DNAH8: variants seen among roughly 807,000 people sequenced by gnomAD.
DNAH8 encodes the protein axonemal beta dynein heavy chain 8.
DNAH8 carries 382 observed loss-of-function variants against 562.1 expected under a neutral mutation model. The observed-to-expected ratio is 0.68, with a 90% CI of 0.63 to 0.74. DNAH8 has a LOEUF of 0.74. Among genes scored for constraint, DNAH8 ranks in the 30% least tolerant of loss-of-function variants. The pLI is 0.00. For synonymous variants in DNAH8, 1,881 were observed against 1,919.4 expected, an observed-to-expected ratio of 0.98 and a Z score of 0.52; for missense variants, 5,203 against 5,620.4, an observed-to-expected ratio of 0.93 and a Z score of 2.37.
At chr6:38,843,992 T>C (rs1775063928) in intron 35 of DNAH8, among the ~76,000 whole-genome samples, 1 of 152,126 alleles carries the variant, frequency 6.6e-6, no homozygotes, top group Non-Finnish European at 1.5e-5. Context: ...TCCAGGAATG[T>C]GCTGACCTAT....
At position 39,029,230 on chromosome 6, in the gene DNAH8, CCTTT is replaced by C. The variant is rs573325345; in HGVS notation, c.13837-870_13837-867del. 9.1e-4 allele frequency among the ~76,000 whole-genome samples: 139 copies of C among 152,258 alleles called. 1 individual carries two copies. The highest frequency in any genetic ancestry group is 3.2e-3 in the African/African-American group (132 of 41,544). On this transcript the variant is annotated intron_variant, in intron 92 of 92. Coordinates refer to ENST00000327475, the MANE Select transcript of DNAH8 (RefSeq NM_001206927.2). ...ACTGGGGCTTTTCCGGCTCGCCCTG[CCTTT>C]CTTTGTAGTGTTACTTCTGCCTGTG...
intron 45 of DNAH8, among the ~76,000 whole-genome samples, chr6:38,866,062 C>T (rs1777007706): frequency 1.3e-5 from 2 of 152,104 alleles, no homozygotes; most frequent in Admixed American, 1.3e-4. Context: ...CCCATCATTC[C>T]CTTCTTTATT....
Position 38,722,936 on chromosome 6 carries a change from G to C in DNAH8, c.127G>C (p.Ala43Pro). The C allele has an allele frequency of 6.2e-7, 1 of 1,612,582 alleles. No homozygotes were observed. Among genetic ancestry groups the C allele is most frequent in the Non-Finnish European group, 8.5e-7 (1 of 1,179,666 alleles). Residue 43 changes from alanine (A) to proline (P), a missense_variant, in exon 2 of 93, where the codon GCA (alanine) becomes CCA (proline). Coordinates refer to ENST00000327475, the MANE Select transcript of DNAH8 (RefSeq NM_001206927.2). ...APRPPTVEAP[A>P]EDGFSPSAED... ...GCGCCCTCCGACAGTGGAGGCCCCG[G>C]CAGAAGATGGTTTCTCTCCTTCCGC... is the stretch of plus-strand genomic sequence containing the variant.
At chr6:38,781,733 T>TG (rs1184508565) in intron 16 of DNAH8, among the ~76,000 whole-genome samples, 1 of 152,210 alleles carries the variant, frequency 6.6e-6, no homozygotes, top group Non-Finnish European at 1.5e-5. Flanking sequence ...GATAGGTCAC[T>TG]GATACATACT....
In DNAH8 at chr6:38,842,424, G is replaced by C; in HGVS notation, c.4523G>C (p.Ser1508Thr). 6.2e-7 allele frequency: 1 copy of C among 1,612,658 alleles called. No homozygotes were observed. Among genetic ancestry groups the C allele is most frequent in the Non-Finnish European group, 8.5e-7 (1 of 1,178,944 alleles). Residue 1508 changes from serine to threonine, a missense_variant, in exon 34 of 93, where the codon AGT (serine) becomes ACT (threonine). Ser to Thr is a moderately conservative substitution (Grantham distance 58). Coordinates refer to ENST00000327475, the MANE Select transcript of DNAH8 (RefSeq NM_001206927.2). ...GGATTGTATGACACCGTAATGAGCA[G>C]TATTAGTGGTTATTATGAAATACTT... ...LYGLYDTVMSSISGYYEILWG... is the reference protein window; with the variant it reads ...LYGLYDTVMSTISGYYEILWG...
chr6:39,007,941 A>ACCCC (rs1765899813), intron 88 of DNAH8, among the ~76,000 whole-genome samples: 2 of 53,798 alleles, frequency 3.7e-5, no homozygotes, highest in African/African-American at 5.8e-5. Context: ...CCCACCCCCC[A>ACCCC]CCCACCCACA....
intron 84 of DNAH8, 52 bp downstream of exon 84, chr6:38,973,865 C>G (rs1169618141): frequency 1.4e-6 from 2 of 1,448,896 alleles, no homozygotes; most frequent in Admixed American, 4.1e-5. Flanking sequence ...AAGATGACAT[C>G]ATTGACATTG....
intron 53 of DNAH8, among the ~76,000 whole-genome samples, chr6:38,877,112 TATG>T (rs1561803181): frequency 6.6e-6 from 1 of 152,192 alleles, no homozygotes; most frequent in Non-Finnish European, 1.5e-5. Flanking sequence ...GCCGGAGTTC[TATG>T]ATGTTTAAAG....
At chr6:38,790,170 T>A (rs1769582371) in intron 19 of DNAH8, 119 bp from the exon 20 acceptor site, 1 of 744,256 alleles carries the variant, frequency 1.3e-6, no homozygotes, top group East Asian at 2.5e-5. Context: ...TTAGGTGTAA[T>A]AGAGGGAAAA....
At chr6:38,792,463 C>T (rs1769852321) in intron 21 of DNAH8, among the ~76,000 whole-genome samples, 1 of 152,196 alleles carries the variant, frequency 6.6e-6, no homozygotes, top group Non-Finnish European at 1.5e-5. Flanking sequence ...CGTTACTGCT[C>T]ATTTTGACTT....
chr6:38,826,456 A>C (rs182315632), intron 29 of DNAH8, 65 bp downstream of exon 29: 3 of 977,670 alleles, frequency 3.1e-6, no homozygotes. Context: ...ATAGAGACAC[A>C]CTAAGAAAGT....
At chr6:38,939,366 T>G (rs933041675) in intron 79 of DNAH8, among the ~76,000 whole-genome samples, 1 of 152,230 alleles carries the variant, frequency 6.6e-6, no homozygotes, top group Non-Finnish European at 1.5e-5. Flanking sequence ...ATGTTTCATA[T>G]TTGAAGTTAA....
chr6:38,911,321 C>G, intron 65 of DNAH8, 147 bp from the exon 66 acceptor site: 1 of 693,314 alleles, frequency 1.4e-6, no homozygotes, highest in Admixed American at 2.4e-5. Flanking sequence ...CCTTTTTCCA[C>G]CTCACCTCTG....
chr6:38,970,054 C>G (rs1021520188), intron 82 of DNAH8, among the ~76,000 whole-genome samples: 4 of 152,122 alleles, frequency 2.6e-5, no homozygotes, highest in Non-Finnish European at 5.9e-5. Flanking sequence ...AGGGATGCCT[C>G]TAAATCGCCT....
chr6:38,847,635 C>A (rs1014154410), intron 36 of DNAH8, among the ~76,000 whole-genome samples: 2 of 152,086 alleles, frequency 1.3e-5, no homozygotes, highest in Non-Finnish European at 2.9e-5. Flanking sequence ...CCAGAAAAAA[C>A]CCCATTCTAC....
At chr6:38,834,516 C>T in intron 31 of DNAH8, 63 bp from the exon 32 acceptor site, 3 of 1,124,734 alleles carry the variant, frequency 2.7e-6, no homozygotes, top group Non-Finnish European at 3.8e-6. Flanking sequence ...AATAGATAAA[C>T]CCAATAAACT....
chr6:38,810,498 A>G (rs376293908), intron 24 of DNAH8, among the ~76,000 whole-genome samples: 2 of 152,104 alleles, frequency 1.3e-5, no homozygotes, highest in Admixed American at 6.5e-5. Flanking sequence ...AGGCTGTGGC[A>G]GGAGAATCGC....
intron 88 of DNAH8, among the ~76,000 whole-genome samples, chr6:39,000,289 A>AC (rs1212476286): frequency 6.6e-6 from 1 of 152,222 alleles, no homozygotes; most frequent in African/African-American, 2.4e-5. Context: ...TGCTATGATA[A>AC]CACAGGTGGA....
intron 21 of DNAH8, among the ~76,000 whole-genome samples, chr6:38,798,910 A>G (rs942444340): frequency 5.9e-5 from 9 of 152,146 alleles, no homozygotes; most frequent in South Asian, 2.1e-4. Context: ...GAGCCCAGTA[A>G]AAGCTGAAGC....
Sources: gnomAD v4.1 joint callset for allele counts (sites outside exome capture counted in the v4.1 genomes callset) on GRCh38, gnomAD v4.1.1 for gene constraint, MANE v1.5 for transcripts, NCBI Gene and HGNC (gene_info 2026-07-23, HGNC 2026-07-21) for gene names.